ADARB1: variants seen among roughly 807,000 people sequenced by gnomAD.
The protein encoded by ADARB1 is double-stranded RNA-specific editase 1.
ADARB1 carries 10 observed loss-of-function variants against 52.4 expected under a neutral mutation model. That is an observed-to-expected ratio of 0.19 (90% CI 0.12 to 0.32). The LOEUF (loss-of-function observed/expected upper bound fraction) is 0.32. Ranked by LOEUF, ADARB1 falls within the 10% of genes least tolerant of loss-of-function variation. The probability of loss-of-function intolerance (pLI) is 1.00; values close to 1 mark genes in which losing one functional copy is unlikely to be tolerated. For missense variants in ADARB1, 643 were observed against 922.3 expected (o/e 0.70, Z 3.92); for synonymous variants, 349 against 371.1 (o/e 0.94, Z 0.68).
intron 1 of ADARB1, among the ~76,000 whole-genome samples, chr21:45,100,116 A>T (rs1220600669): frequency 3.3e-5 from 5 of 152,226 alleles, no homozygotes; most frequent in African/African-American, 9.6e-5. Context: ...ATATATGTTT[A>T]AAAAGGTCAC....
At chr21:45,207,101 C>G (rs1354395515) in intron 9 of ADARB1, among the ~76,000 whole-genome samples, 1 of 152,152 alleles carries the variant, frequency 6.6e-6, no homozygotes, top group African/African-American at 2.4e-5. Flanking sequence ...TCCTTCTGGA[C>G]AAATGTGCCA....
At chr21:45,083,636 C>T (rs982933716) in intron 1 of ADARB1, among the ~76,000 whole-genome samples, 6 of 152,190 alleles carry the variant, frequency 3.9e-5, no homozygotes, top group African/African-American at 9.7e-5. Context: ...CAGGAAAAGG[C>T]AGCCAAATAA....
At chr21:45,117,815 C>T (rs1446959304) in intron 1 of ADARB1, among the ~76,000 whole-genome samples, 1 of 152,136 alleles carries the variant, frequency 6.6e-6, no homozygotes, top group African/African-American at 2.4e-5. Flanking sequence ...TGGAGATTTC[C>T]TCTTTCTCCC....
At chr21:45,125,241 AT>A (rs1361906611) in intron 1 of ADARB1, among the ~76,000 whole-genome samples, 1 of 152,216 alleles carries the variant, frequency 6.6e-6, no homozygotes, top group African/African-American at 2.4e-5. Context: ...TTGCCGCCTG[AT>A]GACCCATTCC....
At chr21:45,152,552 A>T in intron 2 of ADARB1, 1 of 314,950 alleles carries the variant, frequency 3.2e-6, no homozygotes, top group Middle Eastern at 4.5e-4. Context: ...TGCTGCCCCG[A>T]GTGACTGAGG....
At chr21:45,079,288 A>G (rs2123611982) in intron 1 of ADARB1, among the ~76,000 whole-genome samples, 1 of 152,382 alleles carries the variant, frequency 6.6e-6, no homozygotes, top group Admixed American at 6.5e-5. Flanking sequence ...ATTTATACTC[A>G]TTGAAAGAGC....
rs2092956437 is a variant in ADARB1 at position 45,221,062 on chromosome 21, G to A, written c.1926+48G>A. The A allele has an allele frequency of 6.4e-7, 1 of 1,550,472 alleles. No homozygotes were observed. The highest frequency in any genetic ancestry group is 8.7e-7 in the Non-Finnish European group (1 of 1,145,450). Reference sequence around the variant, plus strand: ...ATGCGCCGGCTCCACCTCCCCAATAGCTTGTCTGTCCTCACACCTACTGTT... The same window carrying A: ...ATGCGCCGGCTCCACCTCCCCAATAACTTGTCTGTCCTCACACCTACTGTT... On this transcript the variant is annotated intron_variant, in intron 10 of 10. Coordinates refer to ENST00000348831, the MANE Select transcript of ADARB1 (RefSeq NM_001112.4). The surrounding 1 kb of genome is among the most constrained non-coding windows in gnomAD (Gnocchi z 4.9).
chr21:45,176,614 C>G lies in ADARB1; in HGVS notation c.913C>G (p.Pro305Ala), dbSNP rs866335248. Reference sequence around the variant, plus strand: ...TTTTAACTTGCACTTGGATCAGACGCCATCTCGCCAGCCTATTCCCAGTGA... The same window carrying G: ...TTTTAACTTGCACTTGGATCAGACGGCATCTCGCCAGCCTATTCCCAGTGA... ...AIFNLHLDQT[P>A]SRQPIPSEGL... The change falls in exon 4 of 11, where the codon CCA (proline) becomes GCA (alanine). Residue 305 changes from proline to alanine, a missense_variant. Coordinates refer to ENST00000348831, the MANE Select transcript of ADARB1 (RefSeq NM_001112.4). This position sits in a 1 kb window ranked among gnomAD's most constrained non-coding sequence, Gnocchi z 5.8. 3.1e-6 allele frequency: 5 copies of G among 1,613,782 alleles called. No individual in the cohort carries two copies. Among genetic ancestry groups the G allele is most frequent in the Non-Finnish European group, 4.2e-6 (5 of 1,179,926 alleles).
Position 45,172,113 on chromosome 21 carries a change from T to C in ADARB1, c.28+429T>C, listed in dbSNP as rs1269975215. 6.6e-6 allele frequency among the ~76,000 whole-genome samples: 1 copy of C among 152,128 alleles called. No homozygotes were observed. The highest frequency in any genetic ancestry group is 1.5e-5 in the Non-Finnish European group (1 of 68,006). On this transcript the variant is annotated intron_variant, in intron 3 of 10. Coordinates refer to ENST00000348831, the MANE Select transcript of ADARB1 (RefSeq NM_001112.4). This position sits in a 1 kb window ranked among gnomAD's most constrained non-coding sequence, Gnocchi z 4.4. ...CTTCAAAATGCAGGTTCTCGCTGCA[T>C]TTTGAAGGAAGGGGATTCACACGTG...
chr21:45,076,889 G>T (rs903091804), intron 1 of ADARB1, among the ~76,000 whole-genome samples: 1 of 152,182 alleles, frequency 6.6e-6, no homozygotes, highest in Non-Finnish European at 1.5e-5. Context: ...TAACAAGATA[G>T]GTAGAGATCA....
intron 1 of ADARB1, among the ~76,000 whole-genome samples, chr21:45,100,088 C>T (rs559466869): frequency 6.6e-6 from 1 of 152,150 alleles, no homozygotes; most frequent in South Asian, 2.1e-4. Context: ...TTTCTCCCCC[C>T]GTGTTAAAGA....
intron 2 of ADARB1, among the ~76,000 whole-genome samples, chr21:45,166,289 C>T (rs1032617593): frequency 1.3e-5 from 2 of 152,040 alleles, no homozygotes; most frequent in Admixed American, 6.6e-5. Flanking sequence ...CAGTACAAAA[C>T]GTATAACATT....
At chr21:45,138,945 G>C (rs2089547660) in intron 2 of ADARB1, among the ~76,000 whole-genome samples, 1 of 147,678 alleles carries the variant, frequency 6.8e-6, no homozygotes, top group Non-Finnish European at 1.5e-5. Flanking sequence ...TTTTAAGACA[G>C]AGTCTCGCTC....
rs915416878 is a variant in ADARB1, at chr21:45,176,813, T to G, written c.963+149T>G. 12 of 956,654 alleles carry G rather than the reference T, an allele frequency of 1.3e-5. No individual in the cohort carries two copies. The highest frequency in any genetic ancestry group is 1.8e-5 in the Non-Finnish European group (12 of 664,578). The allele number at this position is 956,654 out of a possible 1,614,324, so 59.3% of individuals were successfully genotyped here. A position where few individuals can be genotyped will look rare whatever the true frequency, so the allele number is the denominator to read the frequency against. ...AGGAGTTACTGGTAAGTCTGGCTGC[T>G]TGATTTCCATGGCCATGTGGCCACT... On this transcript the variant is annotated intron_variant, in intron 4 of 10. Coordinates refer to ENST00000348831, the MANE Select transcript of ADARB1 (RefSeq NM_001112.4). This position sits in a 1 kb window ranked among gnomAD's most constrained non-coding sequence, Gnocchi z 5.8.
At chr21:45,190,759 C>A (rs2092259553) in intron 8 of ADARB1, among the ~76,000 whole-genome samples, 1 of 152,220 alleles carries the variant, frequency 6.6e-6, no homozygotes, top group South Asian at 2.1e-4. Context: ...AGTCTCATCA[C>A]CGAGTCTGAT....
At chr21:45,122,348 T>G (rs1267358070) in intron 1 of ADARB1, among the ~76,000 whole-genome samples, 1 of 152,248 alleles carries the variant, frequency 6.6e-6, no homozygotes, top group Non-Finnish European at 1.5e-5. Context: ...GATAAATGTG[T>G]TTTAATACAA....
intron 9 of ADARB1, among the ~76,000 whole-genome samples, chr21:45,215,175 G>A (rs747378101): frequency 6.6e-6 from 1 of 152,164 alleles, no homozygotes; most frequent in African/African-American, 2.4e-5. Context: ...AGCCTCCTGA[G>A]TAGCTGGGAC....
In ADARB1 at chr21:45,225,546, G is replaced by A; in HGVS notation, c.*3349G>A. On this transcript the variant is annotated 3_prime_UTR_variant, in exon 11 of 11. Coordinates refer to ENST00000348831, the MANE Select transcript of ADARB1 (RefSeq NM_001112.4). ...GTGTCTCTCCTTGTAATCTCACACA[G>A]GTACACTGAGGAGGGGACGGCTCCG... 7.5e-7 allele frequency: 1 copy of A among 1,339,606 alleles called. No homozygotes were observed. Among genetic ancestry groups the A allele is most frequent in the South Asian group, 2.6e-5 (1 of 38,062 alleles). 83.0% of individuals were successfully genotyped at this position (1,339,606 alleles called of 1,614,324 possible).
intron 8 of ADARB1, among the ~76,000 whole-genome samples, chr21:45,203,024 G>A (rs1262132081): frequency 1.3e-5 from 2 of 152,034 alleles, no homozygotes; most frequent in African/African-American, 4.8e-5. Flanking sequence ...ACTGCTGAGC[G>A]TGTAACCCTG....
Sources: gnomAD v4.1 joint callset for allele counts (sites outside exome capture counted in the v4.1 genomes callset) on GRCh38, gnomAD v4.1.1 for gene constraint, Gnocchi (gnomAD v3.1) non-coding constraint, MANE v1.5 for transcripts, NCBI Gene and HGNC (gene_info 2026-07-23, HGNC 2026-07-21) for gene names.